CHN2: variants seen among roughly 807,000 people sequenced by gnomAD.
CHN2 encodes chimerin 2, also known as beta-chimaerin.
CHN2 carries 35 observed loss-of-function variants against 56.3 expected under a neutral mutation model. The observed-to-expected ratio is 0.62, with a 90% CI of 0.47 to 0.82. The LOEUF is 0.82. CHN2 is among the 40% of genes least tolerant of loss of function. The pLI is 0.00. For missense variants in CHN2, 491 were observed against 580.5 expected, an observed-to-expected ratio of 0.85 and a Z score of 1.58; for synonymous variants, 210 against 212.8, an observed-to-expected ratio of 0.99 and a Z score of 0.12.
chr7:29,249,050 A>G (rs550542135), intron 1 of CHN2, among the ~76,000 whole-genome samples: 1 of 152,182 alleles, frequency 6.6e-6, no homozygotes, highest in Non-Finnish European at 1.5e-5. Flanking sequence ...GACAGACTCA[A>G]TATGATAGCT....
In CHN2 at chr7:29,400,748, G is replaced by C; in HGVS notation, c.496G>C (p.Val166Leu). ...ATATGCCACCCTACTCAGAGAAAAA[G>C]TATCCAGAAGGCTGAGCAGGTCTAA... The part of the protein sequence containing the change: ...IGYATLLREK[V>L]SRRLSRSKNE... Residue 166 changes from valine (V) to leucine (L), a missense_variant, in exon 6 of 13, where the codon GTA becomes CTA. Transcript: ENST00000222792. 1 of 1,614,156 alleles carries C rather than the reference G, an allele frequency of 6.2e-7. No homozygotes were observed. Among genetic ancestry groups the C allele is most frequent in the Non-Finnish European group, 8.5e-7 (1 of 1,180,020 alleles).
chr7:29,488,436 C>T (rs1788285429), intron 7 of CHN2, among the ~76,000 whole-genome samples: 1 of 152,108 alleles, frequency 6.6e-6, no homozygotes, highest in Non-Finnish European at 1.5e-5. Context: ...TCTCAGTTAA[C>T]CCTGGGCAAA....
chr7:29,389,489 C>G (rs903384206), intron 3 of CHN2, among the ~76,000 whole-genome samples: 1 of 152,122 alleles, frequency 6.6e-6, no homozygotes, highest in Non-Finnish European at 1.5e-5. Context: ...TTTGGTTCAG[C>G]TGGTTCGAGA....
At chr7:29,193,199 G>A (rs1783123169), upstream of CHN2, 1 of 152,114 alleles carries the variant, frequency 6.6e-6, no homozygotes, top group African/African-American at 2.4e-5. Flanking sequence ...GTTTAGCAAG[G>A]TGTATTTTTA....
At chr7:29,477,342 T>TTA (rs3841175) in intron 6 of CHN2, among the ~76,000 whole-genome samples, 10,702 of 152,218 alleles carry the variant, frequency 0.07, 454 homozygotes, top group East Asian at 0.23. Flanking sequence ...GAAATAAAAA[T>TTA]TACTTGTTAT....
intron 6 of CHN2, among the ~76,000 whole-genome samples, chr7:29,465,034 A>G (rs10951225): frequency 0.39 from 58,740 of 151,974 alleles, 11,570 homozygotes; most frequent in African/African-American, 0.45. Context: ...TTATAAATTC[A>G]CATCCTAAAA....
At chr7:29,327,087 G>A (rs1020429894) in intron 1 of CHN2, among the ~76,000 whole-genome samples, 2 of 152,188 alleles carry the variant, frequency 1.3e-5, no homozygotes, top group Non-Finnish European at 2.9e-5. Context: ...TCTGACTTAA[G>A]TCAGGGATGA....
At chr7:29,305,892 C>T (rs1794117652) in intron 1 of CHN2, among the ~76,000 whole-genome samples, 1 of 146,736 alleles carries the variant, frequency 6.8e-6, no homozygotes, top group Non-Finnish European at 1.5e-5. Flanking sequence ...CTTCCTCTTT[C>T]CCTCTCCTTT....
intron 1 of CHN2, among the ~76,000 whole-genome samples, chr7:29,242,836 G>T (rs906352889): frequency 6.7e-6 from 1 of 149,362 alleles, no homozygotes; most frequent in Non-Finnish European, 1.5e-5. Flanking sequence ...GAGGAAAGTG[G>T]TAATTGTGAT....
intron 2 of CHN2, among the ~76,000 whole-genome samples, chr7:29,148,192 G>A (rs1045240876): frequency 6.6e-6 from 1 of 152,214 alleles, no homozygotes; most frequent in Non-Finnish European, 1.5e-5. Flanking sequence ...TTTGGAATTT[G>A]CCTTCTAAAG....
intron 1 of CHN2, among the ~76,000 whole-genome samples, chr7:29,279,898 GGGTC>G (rs1172725027): frequency 6.6e-6 from 1 of 152,166 alleles, no homozygotes; most frequent in African/African-American, 2.4e-5. Flanking sequence ...GCAGCAGTGG[GGGTC>G]TGAATTAGGG....
At chr7:29,454,814 C>T (rs1301481223) in intron 6 of CHN2, among the ~76,000 whole-genome samples, 6 of 152,158 alleles carry the variant, frequency 3.9e-5, no homozygotes, top group South Asian at 2.1e-4. Context: ...CTCACAGAAA[C>T]GCATGCTTAA....
At chr7:29,380,341 A>T (rs1011783571) in intron 3 of CHN2, among the ~76,000 whole-genome samples, 1 of 152,222 alleles carries the variant, frequency 6.6e-6, no homozygotes, top group Non-Finnish European at 1.5e-5. Flanking sequence ...TATATAGAAC[A>T]TAAACAGATA....
chr7:29,408,749 GA>G (rs1272727470), intron 6 of CHN2, among the ~76,000 whole-genome samples: 1 of 152,204 alleles, frequency 6.6e-6, no homozygotes, highest in African/African-American at 2.4e-5. Context: ...ATATTAGAAA[GA>G]ATCTCTTTTT....
intron 6 of CHN2, among the ~76,000 whole-genome samples, chr7:29,402,780 A>G (rs568864464): frequency 2.0e-5 from 3 of 152,290 alleles, no homozygotes; most frequent in African/African-American, 7.2e-5. Flanking sequence ...CTTCCCTGAG[A>G]GGGAAGTTTG....
At chr7:29,319,255 A>T (rs1463962672) in intron 1 of CHN2, among the ~76,000 whole-genome samples, 1 of 152,220 alleles carries the variant, frequency 6.6e-6, no homozygotes, top group African/African-American at 2.4e-5. Flanking sequence ...AAAGAAAAAG[A>T]TTCAAGCATC....
intron 3 of CHN2, among the ~76,000 whole-genome samples, chr7:29,383,253 T>C (rs1800662249): frequency 6.6e-6 from 1 of 152,176 alleles, no homozygotes; most frequent in Non-Finnish European, 1.5e-5. Context: ...TGTGCGTATG[T>C]GTGTGTTGCA....
intron 2 of CHN2, among the ~76,000 whole-genome samples, chr7:29,362,842 A>G (rs1295071750): frequency 1.3e-5 from 2 of 152,162 alleles, no homozygotes. Flanking sequence ...GTCTCCATGC[A>G]TGTCCCCCAT....
chr7:29,482,790 CTTTTTTCTTTTTTTTTTTTTTTTTTTTT>C (rs1787423412), intron 7 of CHN2, among the ~76,000 whole-genome samples: 1 of 97,948 alleles, frequency 1.0e-5, no homozygotes, highest in African/African-American at 3.8e-5. Flanking sequence ...GCTGTCTGCA[CTTTTTTCTTTTTTTTTTTTTTTTTTTTT>C]TTTTTTTTTT....
Sources: gnomAD v4.1 joint callset for allele counts (sites outside exome capture counted in the v4.1 genomes callset) on GRCh38, gnomAD v4.1.1 for gene constraint, MANE v1.5 for transcripts, NCBI Gene and HGNC (gene_info 2026-07-23, HGNC 2026-07-21) for gene names.